The following ERGIC1 variants were observed in gnomAD, a reference collection of about 807,000 sequenced individuals.
ERGIC1 encodes the protein endoplasmic reticulum-Golgi intermediate compartment protein 1.
In ERGIC1, 19 loss-of-function variants were observed where a neutral mutation model predicts 38.3. That is an observed-to-expected ratio of 0.50 (90% CI 0.35 to 0.73). The LOEUF (loss-of-function observed/expected upper bound fraction) is 0.73. ERGIC1 is among the 30% of genes least tolerant of loss of function. The probability of loss-of-function intolerance (pLI) is 0.01; values close to 1 mark genes in which losing one functional copy is unlikely to be tolerated. For synonymous variants in ERGIC1, 124 were observed against 157.6 expected, an observed-to-expected ratio of 0.79 and a Z score of 1.60; for missense variants, 294 against 389.2, an observed-to-expected ratio of 0.76 and a Z score of 2.06.
intron 5 of ERGIC1, chr5:172,915,421 T>C: frequency 2.5e-6 from 1 of 406,602 alleles, no homozygotes; most frequent in Admixed American, 3.1e-5. Context: ...AGTGCAGTGA[T>C]GAGGAATAAA....
chr5:172,841,509 G>A (rs904932280), intron 1 of ERGIC1, among the ~76,000 whole-genome samples: 2 of 152,206 alleles, frequency 1.3e-5, no homozygotes, highest in African/African-American at 2.4e-5. Flanking sequence ...CGCTTGAAAT[G>A]GACAAACCAT....
At chr5:172,898,098 G>A (rs1244922057) in intron 3 of ERGIC1, 8 of 390,384 alleles carry the variant, frequency 2.0e-5, no homozygotes, top group African/African-American at 1.7e-4. Flanking sequence ...AGCCCGGAAA[G>A]TCATCACGGA....
At chr5:172,861,565 G>C (rs1761701528) in intron 1 of ERGIC1, among the ~76,000 whole-genome samples, 2 of 152,198 alleles carry the variant, frequency 1.3e-5, no homozygotes, top group African/African-American at 4.8e-5. Context: ...TTGTAAAATG[G>C]GAAGCATCAC....
In ERGIC1 at chr5:172,914,789, T is replaced by C. The variant is rs778264030; in HGVS notation, c.326T>C (p.Leu109Pro). The C allele has an allele frequency of 6.2e-7, 1 of 1,614,204 alleles. No homozygotes were observed. The highest frequency in any genetic ancestry group is 8.5e-7 in the Non-Finnish European group (1 of 1,180,042). The change falls in exon 5 of 10, where the codon CTG (leucine) becomes CCG (proline). Residue 109 changes from leucine (L) to proline (P), a missense_variant. By Grantham distance (98) the Leu-to-Pro change is moderately conservative. Around this residue, in one of 3 missense-constraint regions of ERGIC1, gnomAD observed 163 missense variants for 225.8 expected, o/e 0.72. Coordinates refer to ENST00000393784, the MANE Select transcript of ERGIC1 (RefSeq NM_001031711.3). ...GHIDNSMKIP[L>P]NNGAGCRFEG... ...ATCGACAACTCCATGAAGATCCCGC[T>C]GAACAATGGGGCAGGCTGCCGCTTC...
chr5:172,879,283 C>T (rs917267780), intron 1 of ERGIC1, among the ~76,000 whole-genome samples: 1 of 152,182 alleles, frequency 6.6e-6, no homozygotes, highest in African/African-American at 2.4e-5. Flanking sequence ...CAGGGGAAGA[C>T]GTGTTTATTC....
At chr5:172,914,939 T>C (rs2113409235) in intron 5 of ERGIC1, 101 bp downstream of exon 5, 1 of 1,552,224 alleles carries the variant, frequency 6.4e-7, no homozygotes, top group Non-Finnish European at 8.8e-7. Flanking sequence ...GACCTGACCC[T>C]GACACAGCCC....
chr5:172,882,196 T>C (rs1293345776), intron 1 of ERGIC1, among the ~76,000 whole-genome samples: 1 of 152,178 alleles, frequency 6.6e-6, no homozygotes, highest in Non-Finnish European at 1.5e-5. Context: ...TACGTAGTGT[T>C]GAGGTGGCCA....
chr5:172,947,942 G>C (rs116318792), intron 9 of ERGIC1, among the ~76,000 whole-genome samples: 1 of 151,276 alleles, frequency 6.6e-6, no homozygotes, highest in African/African-American at 2.4e-5. Context: ...TTCATTGCAC[G>C]TAAGTCACAT....
At chr5:172,872,557 G>A (rs1376645441) in intron 1 of ERGIC1, among the ~76,000 whole-genome samples, 2 of 152,170 alleles carry the variant, frequency 1.3e-5, no homozygotes, top group African/African-American at 2.4e-5. Context: ...GCTCACACCC[G>A]TAATCCCAGC....
intron 4 of ERGIC1, 99 bp downstream of exon 4, chr5:172,909,860 C>T: frequency 1.9e-6 from 2 of 1,041,650 alleles, no homozygotes; most frequent in Non-Finnish European, 3.0e-6. Context: ...GCCAAGCCAA[C>T]ATATGGTTCT....
chr5:172,850,659 C>T (rs1199199034), intron 1 of ERGIC1, among the ~76,000 whole-genome samples: 4 of 152,082 alleles, frequency 2.6e-5, no homozygotes, highest in Admixed American at 2.6e-4. Flanking sequence ...CAACCCTGAC[C>T]CCAAGCAGCT....
chr5:172,883,354 G>A (rs748930844), intron 1 of ERGIC1, among the ~76,000 whole-genome samples: 2 of 152,120 alleles, frequency 1.3e-5, no homozygotes, highest in African/African-American at 2.4e-5. Flanking sequence ...GTCCCCTGAT[G>A]GCCTTTTTCT....
At chr5:172,929,950 G>A (rs1763737706) in intron 7 of ERGIC1, among the ~76,000 whole-genome samples, 1 of 152,206 alleles carries the variant, frequency 6.6e-6, no homozygotes, top group Admixed American at 6.5e-5. Context: ...CACTTTGGGA[G>A]GCCAAGTCGG....
At chr5:172,836,286 G>A (rs962161575) in intron 1 of ERGIC1, among the ~76,000 whole-genome samples, 2 of 152,180 alleles carry the variant, frequency 1.3e-5, no homozygotes, top group South Asian at 4.1e-4. Context: ...GGTAAGGCCA[G>A]CTCTAGCCTT....
chr5:172,852,137 G>A (rs917895712), intron 1 of ERGIC1, among the ~76,000 whole-genome samples: 2 of 152,152 alleles, frequency 1.3e-5, no homozygotes, highest in Non-Finnish European at 2.9e-5. Flanking sequence ...TTGATTGGGA[G>A]GGAGTGTCAG....
chr5:172,906,220 C>T (rs1406248985), intron 3 of ERGIC1: 3 of 454,632 alleles, frequency 6.6e-6, no homozygotes, highest in South Asian at 4.7e-5. Flanking sequence ...CTTCCCAGGA[C>T]CAGGGCCCTC....
chr5:172,903,896 C>T (rs77923607), intron 3 of ERGIC1, among the ~76,000 whole-genome samples: 213 of 151,330 alleles, frequency 1.4e-3, no homozygotes, highest in African/African-American at 5.0e-3. Flanking sequence ...CTAGGCTTCC[C>T]CTGCACTGCT....
chr5:172,914,653 C>CT, intron 4 of ERGIC1, 61 bp from the exon 5 acceptor site: 1 of 1,613,214 alleles, frequency 6.2e-7, no homozygotes, highest in African/African-American at 1.3e-5. Flanking sequence ...AGAGAACAGG[C>CT]TGGCCCCCAT....
intron 1 of ERGIC1, among the ~76,000 whole-genome samples, chr5:172,855,677 G>T (rs144077301): frequency 1.8e-3 from 270 of 152,366 alleles, no homozygotes; most frequent in Non-Finnish European, 2.9e-3. Context: ...AGCTGGTTTG[G>T]TGCTGGGGCA....
Sources: allele counts gnomAD v4.1 joint callset (sites outside exome capture counted in the v4.1 genomes callset), GRCh38; gene constraint gnomAD v4.1.1; regional missense constraint gnomAD v4.1.1; transcripts MANE v1.5; gene names NCBI Gene and HGNC (gene_info 2026-07-23, HGNC 2026-07-21).